The following SLCO5A1 variants were observed in gnomAD, a reference collection of about 807,000 sequenced individuals.
SLCO5A1 encodes solute carrier organic anion transporter family member 5A1.
In SLCO5A1, 39 loss-of-function variants were observed where a neutral mutation model predicts 65.1. The ratio of observed to expected loss-of-function variants is 0.60; its 90% CI spans 0.46 to 0.78. SLCO5A1 has a LOEUF of 0.78. SLCO5A1 is among the 30% of genes least tolerant of loss of function. The pLI is 0.00. For missense variants in SLCO5A1, 1,029 were observed against 1,069.4 expected, an observed-to-expected ratio of 0.96 and a Z score of 0.53; for synonymous variants, 438 against 415.7, an observed-to-expected ratio of 1.05 and a Z score of -0.65.
chr8:69,762,096 C>G (rs183843303), intron 2 of SLCO5A1, among the ~76,000 whole-genome samples: 4 of 152,122 alleles, frequency 2.6e-5, no homozygotes, highest in South Asian at 2.1e-4. Flanking sequence ...ATTGGGAGAG[C>G]TTTTTGGTGG....
chr8:69,725,287 C>T (rs756011492), intron 5 of SLCO5A1, among the ~76,000 whole-genome samples: 20 of 152,068 alleles, frequency 1.3e-4, no homozygotes, highest in Non-Finnish European at 2.2e-4. Flanking sequence ...AGGGATCACT[C>T]ATTTTAGCAG....
At chr8:69,796,917 T>C (rs1011487991) in intron 2 of SLCO5A1, among the ~76,000 whole-genome samples, 2 of 152,118 alleles carry the variant, frequency 1.3e-5, no homozygotes, top group Non-Finnish European at 2.9e-5. Flanking sequence ...TGACCTTTAC[T>C]CTAGTTTCTA....
intron 2 of SLCO5A1, among the ~76,000 whole-genome samples, chr8:69,783,375 T>G (rs958282411): frequency 3.3e-5 from 5 of 152,110 alleles, no homozygotes; most frequent in Non-Finnish European, 7.4e-5. Context: ...CCCCATTCTC[T>G]ATTGTGTGCT....
intron 5 of SLCO5A1, among the ~76,000 whole-genome samples, chr8:69,705,711 G>A (rs1333683690): frequency 2.6e-5 from 4 of 152,190 alleles, no homozygotes; most frequent in Admixed American, 2.0e-4. Flanking sequence ...CGAATGTAAT[G>A]TATAAAATTT....
chr8:69,778,228 GGTGTGTGTGTGTGT>G (rs71556783), intron 2 of SLCO5A1, among the ~76,000 whole-genome samples: 1 of 142,942 alleles, frequency 7.0e-6, no homozygotes, highest in Non-Finnish European at 1.6e-5. Context: ...ATATGTATGG[GGTGTGTGTGTGTGT>G]GTGTGTGTGT....
intron 2 of SLCO5A1, among the ~76,000 whole-genome samples, chr8:69,824,473 C>G (rs1282923205): frequency 6.6e-6 from 1 of 152,160 alleles, no homozygotes; most frequent in Non-Finnish European, 1.5e-5. Context: ...GAAATACAAA[C>G]TACCATCAGA....
At chr8:69,707,518 G>C (rs998249487) in intron 5 of SLCO5A1, among the ~76,000 whole-genome samples, 1 of 152,212 alleles carries the variant, frequency 6.6e-6, no homozygotes, top group Non-Finnish European at 1.5e-5. Context: ...ACCTGGAGAA[G>C]AGAGGTAGGG....
intron 2 of SLCO5A1, among the ~76,000 whole-genome samples, chr8:69,793,110 T>C (rs913419183): frequency 1.3e-5 from 2 of 152,024 alleles, no homozygotes; most frequent in African/African-American, 4.8e-5. Flanking sequence ...GCCTCCCAAG[T>C]ATCTGGGACT....
At chr8:69,740,876 A>G (rs768112910) in intron 4 of SLCO5A1, among the ~76,000 whole-genome samples, 17 of 152,220 alleles carry the variant, frequency 1.1e-4, no homozygotes, top group Non-Finnish European at 2.4e-4. Flanking sequence ...TCTAATAGGA[A>G]TGAGATATAG....
chr8:69,733,740 T>A (rs1816435526), intron 5 of SLCO5A1, among the ~76,000 whole-genome samples: 1 of 152,212 alleles, frequency 6.6e-6, no homozygotes, highest in African/African-American at 2.4e-5. Context: ...TGCCACTATG[T>A]AAGACGTGCC....
chr8:69,780,871 C>G (rs1818762324), intron 2 of SLCO5A1, among the ~76,000 whole-genome samples: 1 of 151,736 alleles, frequency 6.6e-6, no homozygotes, highest in Non-Finnish European at 1.5e-5. Flanking sequence ...AAAATCACAT[C>G]AGAGCGGAAA....
At chr8:69,742,020 C>T (rs925251208) in intron 4 of SLCO5A1, among the ~76,000 whole-genome samples, 1 of 152,076 alleles carries the variant, frequency 6.6e-6, no homozygotes, top group African/African-American at 2.4e-5. Flanking sequence ...ATGTGAATTG[C>T]CTGATTCTTA....
intron 2 of SLCO5A1, among the ~76,000 whole-genome samples, chr8:69,785,108 G>C (rs1819000523): frequency 6.6e-6 from 1 of 151,894 alleles, no homozygotes. Context: ...GAGAGAGAGA[G>C]AGAGAAAGAA....
chr8:69,806,300 A>G (rs747682623), intron 2 of SLCO5A1, among the ~76,000 whole-genome samples: 2 of 152,210 alleles, frequency 1.3e-5, no homozygotes, highest in Non-Finnish European at 2.9e-5. Flanking sequence ...AATGCAATAT[A>G]TAGTTTCCTT....
intron 2 of SLCO5A1, among the ~76,000 whole-genome samples, chr8:69,770,360 C>T (rs966761943): frequency 2.0e-5 from 3 of 152,086 alleles, no homozygotes; most frequent in Non-Finnish European, 2.9e-5. Context: ...TTTGGGAAGC[C>T]GAAGTGGGAC....
chr8:69,732,977 G>A (rs1461139108), intron 5 of SLCO5A1, among the ~76,000 whole-genome samples: 1 of 151,824 alleles, frequency 6.6e-6, no homozygotes, highest in Non-Finnish European at 1.5e-5. Context: ...TTGCCTTTCA[G>A]CAAGTTACTT....
rs575489925 is a variant in SLCO5A1 at position 69,746,694 on chromosome 8, A to G, written c.1259-8490T>C. ...GCAGAGGGAACACCACGTGATAATT[A>G]TGGCCGAAGGAGGCCAGTGAGCAGA... On this transcript the variant is annotated intron_variant, in intron 4 of 9. Transcript: ENST00000260126. Among the ~76,000 whole-genome samples, 4 of 152,336 alleles carry G rather than the reference A, an allele frequency of 2.6e-5. No homozygotes were observed. In the South Asian group the frequency reaches 8.3e-4, roughly 32 times the overall value.
intron 5 of SLCO5A1, among the ~76,000 whole-genome samples, chr8:69,722,086 C>T (rs112681991): frequency 1.3e-4 from 20 of 152,088 alleles, no homozygotes; most frequent in African/African-American, 4.1e-4. Context: ...ACAGGAGAAT[C>T]GCCTGAGACC....
At chr8:69,764,653 A>T (rs1817969304) in intron 2 of SLCO5A1, among the ~76,000 whole-genome samples, 1 of 152,214 alleles carries the variant, frequency 6.6e-6, no homozygotes, top group Non-Finnish European at 1.5e-5. Context: ...TTTATAGTCT[A>T]GACTGTAACT....
Sources: gnomAD v4.1 joint callset for allele counts (sites outside exome capture counted in the v4.1 genomes callset) on GRCh38, gnomAD v4.1.1 for gene constraint, MANE v1.5 for transcripts, NCBI Gene and HGNC (gene_info 2026-07-23, HGNC 2026-07-21) for gene names.